The following AOAH variants were observed in gnomAD, a reference collection of about 807,000 sequenced individuals.
AOAH encodes acyloxyacyl hydrolase.
Under a neutral mutation model 92.2 loss-of-function variants are expected in AOAH, and 64 were observed. That is an observed-to-expected ratio of 0.69 (90% CI 0.57 to 0.86). The LOEUF is 0.86. Among genes scored for constraint, AOAH ranks in the 40% least tolerant of loss-of-function variants. The pLI is 0.00. For synonymous variants in AOAH, 263 were observed against 254.5 expected, an observed-to-expected ratio of 1.03 and a Z score of -0.32; for missense variants, 656 against 694.6, an observed-to-expected ratio of 0.94 and a Z score of 0.62.
At chr7:36,635,076 G>A (rs1361246841) in intron 5 of AOAH, among the ~76,000 whole-genome samples, 14 of 152,104 alleles carry the variant, frequency 9.2e-5, no homozygotes, top group Non-Finnish European at 1.6e-4. Flanking sequence ...AACTGAGATG[G>A]GCCCCGAGCA....
At chr7:36,631,297 T>A (rs1217410523) in intron 6 of AOAH, among the ~76,000 whole-genome samples, 1 of 149,992 alleles carries the variant, frequency 6.7e-6, no homozygotes, top group Non-Finnish European at 1.5e-5. Flanking sequence ...CAGTGAGCCA[T>A]GATCACGCCA....
rs77621422 is a variant in AOAH at position 36,684,095 on chromosome 7, G to A, written c.223+2604C>T. Among the ~76,000 whole-genome samples the A allele has an allele frequency of 6.3e-3, 961 of 152,304 alleles. 11 individuals are homozygous for A. Among genetic ancestry groups the A allele is most frequent in the African/African-American group, 0.022 (930 of 41,556 alleles). ...TTATTTCTCACTAAAAGAAACCAGG[G>A]CTTTTAAGAGAAATGACTGATTTCA... On this transcript the variant is annotated intron_variant, in intron 2 of 20. Transcript: ENST00000617537.
intron 3 of AOAH, among the ~76,000 whole-genome samples, chr7:36,665,656 G>A (rs1024772655): frequency 2.0e-5 from 3 of 152,138 alleles, no homozygotes; most frequent in Non-Finnish European, 4.4e-5. Flanking sequence ...TCAGCATGAA[G>A]TATGATGTTC....
chr7:36,666,597 T>C (rs1361982677), intron 3 of AOAH, among the ~76,000 whole-genome samples: 1 of 152,038 alleles, frequency 6.6e-6, no homozygotes, highest in African/African-American at 2.4e-5. Context: ...TTATTATTTA[T>C]CTTGTGTTTA....
rs777283337 is a variant in AOAH at position 36,530,448 on chromosome 7, G to C, written c.1492C>G (p.Leu498Val). ...TGGAAGGCAAAATCCATGTAGAAAA[G>C]ATTGAAGTTTGTAAATTTCTCACTG... Reference protein sequence around the residue: ...AASEKFTNFNLFYMDFAFHEI... With the variant: ...AASEKFTNFNVFYMDFAFHEI... Residue 498 changes from leucine (L) to valine (V), a missense_variant, in exon 19 of 21, where the codon CTT becomes GTT. Coordinates refer to ENST00000617537, the MANE Select transcript of AOAH (RefSeq NM_001637.4). 1 of 1,613,550 alleles carries C rather than the reference G, an allele frequency of 6.2e-7. No individual in the cohort carries two copies. Among genetic ancestry groups the C allele is most frequent in the South Asian group, 1.1e-5 (1 of 91,062 alleles).
intron 1 of AOAH, among the ~76,000 whole-genome samples, chr7:36,712,860 C>A: frequency 6.6e-6 from 1 of 152,156 alleles, no homozygotes; most frequent in East Asian, 1.9e-4. Flanking sequence ...ACAACCGGTA[C>A]CAGCCACTGC....
intron 1 of AOAH, among the ~76,000 whole-genome samples, chr7:36,688,575 G>A (rs911281817): frequency 1.3e-5 from 2 of 152,140 alleles, no homozygotes; most frequent in African/African-American, 4.8e-5. Context: ...TGAAGAGAGA[G>A]AGGCTTTGAC....
At chr7:36,717,724 C>CTTAT (rs1554327702) in intron 1 of AOAH, among the ~76,000 whole-genome samples, 10 of 81,554 alleles carry the variant, frequency 1.2e-4, no homozygotes, top group African/African-American at 4.2e-4. Flanking sequence ...TTTTTCTCTT[C>CTTAT]TTATTTTTTT....
At chr7:36,716,139 A>C (rs1301423902) in intron 1 of AOAH, among the ~76,000 whole-genome samples, 1 of 152,232 alleles carries the variant, frequency 6.6e-6, no homozygotes, top group Non-Finnish European at 1.5e-5. Context: ...AGAAAAAACA[A>C]ACAACCCCAT....
chr7:36,563,589 TC>T lies in AOAH; in HGVS notation c.1021+12984del, dbSNP rs200663052. ...GAGAGACAGGGTGGGGTATGTTTAC[TC>T]CATTGTACTTGAAACCAGAAACTGG... On this transcript the variant is annotated intron_variant, in intron 13 of 20. Coordinates refer to ENST00000617537, the MANE Select transcript of AOAH (RefSeq NM_001637.4). Among the ~76,000 whole-genome samples the T allele has an allele frequency of 3.4e-3, 525 of 152,344 alleles. 4 individuals carry two copies. The highest frequency in any genetic ancestry group is 0.012 in the African/African-American group (504 of 41,580).
At chr7:36,527,383 A>G (rs1171979478) in intron 19 of AOAH, among the ~76,000 whole-genome samples, 1 of 152,244 alleles carries the variant, frequency 6.6e-6, no homozygotes, top group African/African-American at 2.4e-5. Context: ...AGAGATTTTC[A>G]TGGGACTATC....
At chr7:36,555,959 AG>A (rs1442106759) in intron 13 of AOAH, among the ~76,000 whole-genome samples, 2 of 152,000 alleles carry the variant, frequency 1.3e-5, no homozygotes, top group East Asian at 1.9e-4. Flanking sequence ...GATTTTTTGA[AG>A]GGTTTTTTGT....
chr7:36,596,630 A>T (rs926981216), intron 11 of AOAH, among the ~76,000 whole-genome samples: 1 of 152,184 alleles, frequency 6.6e-6, no homozygotes, highest in African/African-American at 2.4e-5. Context: ...CAATCCAGTT[A>T]ATGGCAAAGA....
chr7:36,720,407 G>A (rs1288699597), intron 1 of AOAH, among the ~76,000 whole-genome samples: 5 of 151,652 alleles, frequency 3.3e-5, no homozygotes, highest in African/African-American at 9.7e-5. Flanking sequence ...TGCTGACCTC[G>A]TGATCTGCCC....
chr7:36,546,229 A>T (rs1785792070), intron 15 of AOAH, among the ~76,000 whole-genome samples: 1 of 152,252 alleles, frequency 6.6e-6, no homozygotes, highest in East Asian at 1.9e-4. Context: ...TAGCATTGTC[A>T]TAGAAAAAGA....
chr7:36,664,506 T>C (rs1024342865), intron 3 of AOAH, among the ~76,000 whole-genome samples: 2 of 152,226 alleles, frequency 1.3e-5, no homozygotes, highest in East Asian at 3.8e-4. Flanking sequence ...CCTGCTGTCT[T>C]GATTACTGTA....
At chr7:36,534,942 GTGTC>G (rs1364201267) in intron 16 of AOAH, among the ~76,000 whole-genome samples, 33 of 36,298 alleles carry the variant, frequency 9.1e-4, no homozygotes, top group African/African-American at 1.9e-3. Flanking sequence ...GTGTGTTTCT[GTGTC>G]TGTGTGTGTA....
At chr7:36,515,567 A>AC (rs144256870) in intron 20 of AOAH, among the ~76,000 whole-genome samples, 49 of 52,168 alleles carry the variant, frequency 9.4e-4, no homozygotes, top group African/African-American at 3.6e-3. Flanking sequence ...ACATAATCAC[A>AC]CCCCCCCCAC....
At chr7:36,547,971 G>A (rs1785915541) in intron 15 of AOAH, among the ~76,000 whole-genome samples, 1 of 152,076 alleles carries the variant, frequency 6.6e-6, no homozygotes, top group African/African-American at 2.4e-5. Context: ...TGAGATCGAT[G>A]TTCTTATGGG....
Sources: allele counts gnomAD v4.1 joint callset (sites outside exome capture counted in the v4.1 genomes callset), GRCh38; gene constraint gnomAD v4.1.1; transcripts MANE v1.5; gene names NCBI Gene and HGNC (gene_info 2026-07-23, HGNC 2026-07-21).